URB1: variants seen among roughly 807,000 people sequenced by gnomAD.
URB1 encodes URB1 ribosome biogenesis factor.
A neutral mutation model predicts 242.3 loss-of-function variants in URB1; 197 were observed. The observed-to-expected ratio is 0.81, with a 90% confidence interval of 0.72 to 0.91. The LOEUF is 0.91. Ranked by LOEUF, URB1 falls within the 40% of genes least tolerant of loss-of-function variation. The probability of loss-of-function intolerance (pLI) is 0.00; values close to 1 mark genes in which losing one functional copy is unlikely to be tolerated. For synonymous variants in URB1, 1,153 were observed against 1,201.8 expected, an observed-to-expected ratio of 0.96 and a Z score of 0.84; for missense variants, 2,721 against 2,860.5, an observed-to-expected ratio of 0.95 and a Z score of 1.11.
intron 4 of URB1, among the ~76,000 whole-genome samples, chr21:32,379,067 C>T (rs1296581017): frequency 2.0e-5 from 3 of 152,358 alleles, no homozygotes; most frequent in Admixed American, 1.3e-4. Flanking sequence ...GATGCTGTCA[C>T]GTTACTAACC....
chr21:32,322,043 TAAC>T, intron 33 of URB1, 99 bp from the exon 34 acceptor site: 2 of 1,390,080 alleles, frequency 1.4e-6, no homozygotes, highest in Non-Finnish European at 1.9e-6. Flanking sequence ...GCAAAAGTTG[TAAC>T]ACAGCAGCCC....
chr21:32,340,540 G>A (rs2033018197), intron 25 of URB1, among the ~76,000 whole-genome samples: 1 of 150,196 alleles, frequency 6.7e-6, no homozygotes, highest in Non-Finnish European at 1.5e-5. Context: ...TTGAACCTGG[G>A]AGACAGATGC....
Position 32,321,822 on chromosome 21 carries a change from C to T in URB1, c.5463G>A (p.Pro1821=), listed in dbSNP as rs3827177. 7.3e-3 allele frequency: 11,269 copies of T among 1,551,648 alleles called. 423 individuals are homozygous for T. In the East Asian group the frequency reaches 0.099, roughly 14 times the overall value. The change falls in exon 34 of 39, where the codon CCG becomes CCA. Residue 1821 remains proline, a synonymous_variant. Coordinates refer to ENST00000382751, the MANE Select transcript of URB1 (RefSeq NM_014825.3). ...FHIILSFFHS[P]LCDEAAQNWI... The stretch of plus-strand genomic sequence containing the variant: ...GTACCTGTGCTGCCTCGTCACACAG[C>T]GGGCTGTGGAAGAAGGACAGGATGA...
chr21:32,360,035 T>A, intron 13 of URB1, 127 bp from the exon 14 acceptor site: 1 of 832,312 alleles, frequency 1.2e-6, no homozygotes, highest in Non-Finnish European at 1.9e-6. Flanking sequence ...AGGGTTCTGT[T>A]TCTCTGTCCT....
At position 32,317,804 on chromosome 21, in the gene URB1, T is replaced by C. The variant is rs2032711546; in HGVS notation, c.5906A>G (p.Asn1969Ser). The change falls in exon 37 of 39, where the codon AAT (asparagine) becomes AGT (serine). Residue 1969 changes from asparagine to serine, a missense_variant. Coordinates refer to ENST00000382751, the MANE Select transcript of URB1 (RefSeq NM_014825.3). ...AFRDMNRFTV[N>S]ETVLSTKDVL... ...GTCCTTGGTGGAAAGCACTGTCTCA[T>C]TTACGGTGAATCTGTTCATGTCCCT... 6.4e-7 allele frequency: 1 copy of C among 1,551,832 alleles called. No individual in the cohort carries two copies. Among genetic ancestry groups the C allele is most frequent in the Non-Finnish European group, 8.7e-7 (1 of 1,147,070 alleles).
At position 32,312,227 on chromosome 21, in the gene URB1, C is replaced by A; in HGVS notation, c.*2691G>T. On this transcript the variant is annotated 3_prime_UTR_variant, in exon 39 of 39. Coordinates refer to ENST00000382751, the MANE Select transcript of URB1 (RefSeq NM_014825.3). ...TTATTGAGCACACCTAGCCTGCTTG[C>A]TTACTGCTTATATTTGCTCAGGGAA... 1 of 1,443,288 alleles carries A rather than the reference C, an allele frequency of 6.9e-7. No individual in the cohort carries two copies. The highest frequency in any genetic ancestry group is 9.1e-7 in the Non-Finnish European group (1 of 1,100,998). The allele number at this position is 1,443,288 out of a possible 1,614,324, so 89.4% of individuals were successfully genotyped here.
In URB1 at chr21:32,353,979, G is replaced by C; in HGVS notation, c.2370C>G (p.Ala790=). The change falls in exon 18 of 39, where the codon GCC becomes GCG. Residue 790 remains alanine (A), a synonymous_variant. Coordinates refer to ENST00000382751, the MANE Select transcript of URB1 (RefSeq NM_014825.3). The part of the protein sequence containing the change: ...TFPFSAVVPA[A]LEARNKLLLG... ...GGAGCAACTTATTCCTGGCTTCCAGGGCCGCAGGGACTACCGCACTGAATG... is the reference window on the plus strand; with the variant it reads ...GGAGCAACTTATTCCTGGCTTCCAGCGCCGCAGGGACTACCGCACTGAATG... The C allele has an allele frequency of 6.4e-7, 1 of 1,551,754 alleles. No homozygotes were observed. The highest frequency in any genetic ancestry group is 8.7e-7 in the Non-Finnish European group (1 of 1,147,012).
chr21:32,373,593 C>A lies in URB1; in HGVS notation c.876+54G>T, dbSNP rs374531224. On this transcript the variant is annotated intron_variant, in intron 7 of 38. Coordinates refer to ENST00000382751, the MANE Select transcript of URB1 (RefSeq NM_014825.3). ...TGTTGAGAATTCTCCCTCTCCCAAC[C>A]CTGAGGATCAAATTCCAACAACGAG... 76 of 1,507,232 alleles carry A rather than the reference C, an allele frequency of 5.0e-5. No homozygotes were observed. The African/African-American group carries it at 9.0e-4, about 18-fold the overall frequency. The allele number at this position is 1,507,232 out of a possible 1,614,324, so 93.4% of individuals were successfully genotyped here. A position where few individuals can be genotyped will look rare whatever the true frequency, so the allele number is the denominator to read the frequency against.
At position 32,389,399 on chromosome 21, in the gene URB1, T is replaced by C. The variant is rs1419953182; in HGVS notation, c.142+3370A>G. On this transcript the variant is annotated intron_variant, in intron 1 of 38. Transcript: ENST00000382751. ...GAAGGGTGTCATGAGAGGAGTGACA[T>C]AATCAGATTTGGAGCTCTGAAGGAT... 2.6e-5 allele frequency among the ~76,000 whole-genome samples: 4 copies of C among 152,138 alleles called. No homozygotes were observed. The East Asian group carries it at 7.7e-4, about 29-fold the overall frequency.
At chr21:32,357,332 A>C (rs563590380) in intron 15 of URB1, among the ~76,000 whole-genome samples, 1 of 151,280 alleles carries the variant, frequency 6.6e-6, no homozygotes, top group Non-Finnish European at 1.5e-5. Flanking sequence ...AAAAAAAAAA[A>C]CATTTTTCCA....
Position 32,336,998 on chromosome 21 carries a change from C to CA in URB1, c.4685+95dup, listed in dbSNP as rs374414870. On this transcript the variant is annotated intron_variant, in intron 28 of 38. Transcript: ENST00000382751. ...CCTGCCTCACTCTTTCCCTGAGAAC[C>CA]AAAATGGAATGAGAGAAAATCTCGA... The CA allele has an allele frequency of 1.9e-5, 24 of 1,285,450 alleles. No homozygotes were observed. In the South Asian group the frequency reaches 3.1e-4, roughly 17 times the overall value. The allele number at this position is 1,285,450 out of a possible 1,614,324, so 79.6% of individuals were successfully genotyped here. A position where few individuals can be genotyped will look rare whatever the true frequency, so the allele number is the denominator to read the frequency against.
chr21:32,365,404 TCA>T (rs1366146777), intron 10 of URB1, among the ~76,000 whole-genome samples: 3 of 151,502 alleles, frequency 2.0e-5, no homozygotes, highest in Non-Finnish European at 4.4e-5. Flanking sequence ...TGAGCTATGA[TCA>T]CACCACTGTA....
At chr21:32,358,998 C>T (rs1451260029) in intron 14 of URB1, among the ~76,000 whole-genome samples, 1 of 152,180 alleles carries the variant, frequency 6.6e-6, no homozygotes, top group Non-Finnish European at 1.5e-5. Context: ...GAATGATCCT[C>T]AGCTACGATG....
intron 8 of URB1, among the ~76,000 whole-genome samples, chr21:32,369,295 G>A (rs2033381557): frequency 6.6e-6 from 1 of 152,110 alleles, no homozygotes. Context: ...CCTGAGAGGT[G>A]GAGGTTGCAG....
intron 1 of URB1, 131 bp from the exon 2 acceptor site, chr21:32,385,815 G>T: frequency 8.1e-7 from 1 of 1,227,614 alleles, no homozygotes; most frequent in Non-Finnish European, 1.1e-6. Flanking sequence ...AAGCTACTAT[G>T]AATGCTATCA....
In URB1 at chr21:32,311,419, C is replaced by A; in HGVS notation, c.*3499G>T. The A allele has an allele frequency of 3.3e-6, 1 of 304,872 alleles. No homozygotes were observed. Among genetic ancestry groups the A allele is most frequent in the Non-Finnish European group, 6.1e-6 (1 of 164,668 alleles). The allele number at this position is 304,872 out of a possible 1,614,324, so 18.9% of individuals were successfully genotyped here. On this transcript the variant is annotated 3_prime_UTR_variant, in exon 39 of 39. Coordinates refer to ENST00000382751, the MANE Select transcript of URB1 (RefSeq NM_014825.3). ...ACCTGCTCCCCTCCACCCCCCACCC[C>A]CCCCATCCTAAATCAATGTAGGAAG...
chr21:32,315,388 A>G (rs1264169108), intron 38 of URB1, among the ~76,000 whole-genome samples: 2 of 149,200 alleles, frequency 1.3e-5, no homozygotes, highest in Non-Finnish European at 3.0e-5. Flanking sequence ...ATCTCAGCTC[A>G]CTACAGCCTC....
intron 30 of URB1, among the ~76,000 whole-genome samples, chr21:32,331,754 C>T (rs2032895100): frequency 6.6e-6 from 1 of 152,244 alleles, no homozygotes; most frequent in Non-Finnish European, 1.5e-5. Flanking sequence ...GTGCCCCACT[C>T]CCAGCCACAC....
intron 4 of URB1, 62 bp from the exon 5 acceptor site, chr21:32,378,603 C>A: frequency 2.2e-6 from 3 of 1,393,696 alleles, no homozygotes; most frequent in Non-Finnish European, 3.0e-6. Flanking sequence ...AAGGAATCAG[C>A]AACACAGTGG....
Sources: gnomAD v4.1 joint callset for allele counts (sites outside exome capture counted in the v4.1 genomes callset) on GRCh38, gnomAD v4.1.1 for gene constraint, MANE v1.5 for transcripts, NCBI Gene and HGNC (gene_info 2026-07-23, HGNC 2026-07-21) for gene names.